PDE3B: variants seen among roughly 807,000 people sequenced by gnomAD.
The protein encoded by PDE3B is cGMP-inhibited 3',5'-cyclic phosphodiesterase 3B.
PDE3B carries 66 observed loss-of-function variants against 116.8 expected under a neutral mutation model. The observed-to-expected ratio is 0.56, with a 90% CI of 0.46 to 0.69. PDE3B has a LOEUF of 0.69. Among genes scored for constraint, PDE3B ranks in the 30% least tolerant of loss-of-function variants. The pLI, the probability that PDE3B is intolerant of heterozygous loss-of-function variation, is 0.00. For synonymous variants in PDE3B, 595 were observed against 533.6 expected, an observed-to-expected ratio of 1.12 and a Z score of -1.59; for missense variants, 1,384 against 1,368.1, an observed-to-expected ratio of 1.01 and a Z score of -0.18.
intron 1 of PDE3B, among the ~76,000 whole-genome samples, chr11:14,770,463 G>A (rs1266892696): frequency 6.6e-6 from 1 of 151,302 alleles, no homozygotes; most frequent in East Asian, 1.9e-4. Flanking sequence ...AGAAACTTAG[G>A]GATTTTAGGT....
At chr11:14,738,461 GGTT>G (rs1430342299) in intron 1 of PDE3B, among the ~76,000 whole-genome samples, 1 of 152,086 alleles carries the variant, frequency 6.6e-6, no homozygotes, top group Non-Finnish European at 1.5e-5. Context: ...CTTTTTGATG[GGTT>G]GTTTTTTCTT....
Position 14,644,294 on chromosome 11 carries a change from C to T in PDE3B, c.219C>T (p.Ser73=), listed in dbSNP as rs767096639. 3.1e-5 allele frequency: 49 copies of T among 1,564,144 alleles called. No homozygotes were observed. The highest frequency in any genetic ancestry group is 4.2e-5 in the Non-Finnish European group (49 of 1,161,696). ...PASPQQPRRC[S]PFCRARLSLG... ...CTCCCCAGCAGCCGCGGCGCTGCTCCCCCTTCTGCCGGGCGCGCCTCTCGC... is the reference window on the plus strand; with the variant it reads ...CTCCCCAGCAGCCGCGGCGCTGCTCTCCCTTCTGCCGGGCGCGCCTCTCGC... The change falls in exon 1 of 16, where the codon TCC becomes TCT. Residue 73 remains serine (S), a synonymous_variant. Coordinates refer to ENST00000282096, the MANE Select transcript of PDE3B (RefSeq NM_000922.4).
chr11:14,760,377 CT>C (rs1156996304), intron 1 of PDE3B, among the ~76,000 whole-genome samples: 3 of 152,188 alleles, frequency 2.0e-5, no homozygotes, highest in African/African-American at 7.2e-5. Context: ...GTGCTGCGTA[CT>C]CACTGTGCTA....
intron 12 of PDE3B, among the ~76,000 whole-genome samples, chr11:14,853,279 T>A (rs1847790789): frequency 6.6e-6 from 1 of 152,234 alleles, no homozygotes; most frequent in Admixed American, 6.5e-5. Context: ...CTTTGTTTTT[T>A]ATATGTATCT....
chr11:14,867,484 C>T (rs1848068776), intron 14 of PDE3B, 22 bp from the exon 15 acceptor site: 2 of 1,603,042 alleles, frequency 1.2e-6, no homozygotes, highest in Non-Finnish European at 1.7e-6. Flanking sequence ...TAAAAATGTA[C>T]TTTTCTTTTT....
At chr11:14,818,996 G>T (rs764193743) in intron 6 of PDE3B, 140 bp from the exon 7 acceptor site, 1 of 521,700 alleles carries the variant, frequency 1.9e-6, no homozygotes, top group Non-Finnish European at 3.5e-6. Flanking sequence ...TAAAGCCTTT[G>T]AACTTTATGG....
At chr11:14,728,042 T>C (rs964870193) in intron 1 of PDE3B, among the ~76,000 whole-genome samples, 4 of 152,092 alleles carry the variant, frequency 2.6e-5, no homozygotes, top group East Asian at 1.9e-4. Context: ...TTATCTATTA[T>C]AGAAAGATCT....
At chr11:14,864,488 A>G (rs1275019519) in intron 14 of PDE3B, among the ~76,000 whole-genome samples, 1 of 152,198 alleles carries the variant, frequency 6.6e-6, no homozygotes, top group Non-Finnish European at 1.5e-5. Context: ...CCCCAAATCA[A>G]CAGAATATAC....
intron 1 of PDE3B, among the ~76,000 whole-genome samples, chr11:14,652,775 A>G (rs1853605420): frequency 1.3e-5 from 2 of 152,188 alleles, no homozygotes; most frequent in Admixed American, 1.3e-4. Flanking sequence ...AAGTGGAATC[A>G]TACAGTATTT....
intron 10 of PDE3B, among the ~76,000 whole-genome samples, 185 bp downstream of exon 10, chr11:14,833,018 T>C (rs543676011): frequency 1.3e-5 from 2 of 152,160 alleles, no homozygotes; most frequent in African/African-American, 4.8e-5. Flanking sequence ...TGGCGCGATC[T>C]TGGCCCACTG....
At chr11:14,850,537 A>G (rs370452963) in intron 12 of PDE3B, among the ~76,000 whole-genome samples, 1 of 152,112 alleles carries the variant, frequency 6.6e-6, no homozygotes, top group Non-Finnish European at 1.5e-5. Context: ...ATTTAGGCCC[A>G]TTGTATGGCT....
At chr11:14,825,554 A>G (rs913202694) in intron 7 of PDE3B, among the ~76,000 whole-genome samples, 3 of 152,352 alleles carry the variant, frequency 2.0e-5, no homozygotes, top group African/African-American at 4.8e-5. Context: ...AGGGCATTAC[A>G]TAATGGTAAA....
chr11:14,841,226 G>C (rs949024788), intron 11 of PDE3B, among the ~76,000 whole-genome samples: 12 of 151,538 alleles, frequency 7.9e-5, no homozygotes, highest in African/African-American at 2.9e-4. Flanking sequence ...TGGAATATCA[G>C]CTCTTCCTTG....
At chr11:14,812,847 C>T (rs1489234757) in intron 5 of PDE3B, among the ~76,000 whole-genome samples, 1 of 152,162 alleles carries the variant, frequency 6.6e-6, no homozygotes, top group African/African-American at 2.4e-5. Flanking sequence ...CACCCCAATT[C>T]ATGTGTTGAA....
At chr11:14,674,013 G>T (rs1854456139) in intron 1 of PDE3B, 1 of 1,425,532 alleles carries the variant, frequency 7.0e-7, no homozygotes, top group Non-Finnish European at 9.9e-7. Context: ...GAAGTTAAAA[G>T]AGCTGTTTTC....
chr11:14,806,292 A>C (rs1408412580), intron 5 of PDE3B, among the ~76,000 whole-genome samples: 1 of 150,814 alleles, frequency 6.6e-6, no homozygotes. Flanking sequence ...TACAAAAAAA[A>C]AAAAAATCAG....
At chr11:14,848,615 T>A (rs1847667533) in intron 12 of PDE3B, among the ~76,000 whole-genome samples, 1 of 152,176 alleles carries the variant, frequency 6.6e-6, no homozygotes, top group Admixed American at 6.5e-5. Flanking sequence ...AAAATCTCCT[T>A]AAGCTGATAA....
At chr11:14,867,428 C>A in intron 14 of PDE3B, 78 bp from the exon 15 acceptor site, 2 of 1,261,608 alleles carry the variant, frequency 1.6e-6, no homozygotes, top group African/African-American at 1.5e-5. Context: ...TAAAAAAACT[C>A]AAGATAATTT....
Position 14,739,764 on chromosome 11 carries a change from T to C in PDE3B, c.979-32173T>C, listed in dbSNP as rs539414767. ...TTGTCATAAATAGCTCTTATTATTT[T>C]GAGATACGTTCCATCGACACCTAGC... is the stretch of plus-strand genomic sequence containing the variant. On this transcript the variant is annotated intron_variant, in intron 1 of 15. Coordinates refer to ENST00000282096, the MANE Select transcript of PDE3B (RefSeq NM_000922.4). 2.0e-5 allele frequency among the ~76,000 whole-genome samples: 3 copies of C among 152,336 alleles called. No individual in the cohort carries two copies. In the East Asian group the frequency reaches 5.8e-4, roughly 29 times the overall value.
Sources: allele counts gnomAD v4.1 joint callset (sites outside exome capture counted in the v4.1 genomes callset), GRCh38; gene constraint gnomAD v4.1.1; transcripts MANE v1.5; gene names NCBI Gene and HGNC (gene_info 2026-07-23, HGNC 2026-07-21).